TXNDC15: variants seen among roughly 807,000 people sequenced by gnomAD.
TXNDC15 encodes the protein thioredoxin domain containing 15, also known as thioredoxin domain-containing protein 15.
A neutral mutation model predicts 35.0 loss-of-function variants in TXNDC15; 24 were observed. That is an observed-to-expected ratio of 0.68 (90% CI 0.50 to 0.96). The LOEUF is 0.96. Ranked by LOEUF, TXNDC15 falls within the 40% of genes least tolerant of loss-of-function variation. The pLI is 0.00. For missense variants in TXNDC15, 385 were observed against 453.3 expected, an observed-to-expected ratio of 0.85 and a Z score of 1.37; for synonymous variants, 169 against 174.0, an observed-to-expected ratio of 0.97 and a Z score of 0.23.
At chr5:134,895,129 C>T (rs900208566) in intron 3 of TXNDC15, among the ~76,000 whole-genome samples, 7 of 151,776 alleles carry the variant, frequency 4.6e-5, no homozygotes, top group South Asian at 4.2e-4. Context: ...CACAGTGAGC[C>T]GTGATCCTGT....
At position 134,888,177 on chromosome 5, in the gene TXNDC15, T is replaced by C. The variant is rs1750317268; in HGVS notation, c.586T>C (p.Ser196Pro). The C allele has an allele frequency of 6.2e-7, 1 of 1,601,094 alleles. No individual in the cohort carries two copies. Among genetic ancestry groups the C allele is most frequent in the East Asian group, 2.2e-5 (1 of 44,610 alleles). The change falls in exon 2 of 5, where the codon TCA (serine) becomes CCA (proline). Residue 196 changes from serine to proline, a missense_variant. Physicochemically the swap from Ser to Pro is moderately conservative, Grantham distance 74. Transcript: ENST00000358387. ...ENFTLKILNM[S>P]QDLMDFLNPN... ...TTTCACTCTGAAAATTTTAAATATGTCACAGGTAAGGAAAAATTATTTAGT... is the reference window on the plus strand; with the variant it reads ...TTTCACTCTGAAAATTTTAAATATGCCACAGGTAAGGAAAAATTATTTAGT...
chr5:134,894,514 C>A (rs900800205), intron 3 of TXNDC15, among the ~76,000 whole-genome samples: 13 of 151,880 alleles, frequency 8.6e-5, no homozygotes, highest in Non-Finnish European at 1.5e-4. Context: ...ATTACAAGCA[C>A]CTGCCACCAT....
intron 2 of TXNDC15, chr5:134,893,001 A>G (rs760871027): frequency 2.0e-4 from 31 of 156,854 alleles, no homozygotes; most frequent in Non-Finnish European, 4.0e-4. Flanking sequence ...AGAGTTTGAA[A>G]TATTGCAAGA....
chr5:134,893,567 T>G lies in TXNDC15; in HGVS notation c.667T>G (p.Ser223Ala). 6.2e-7 allele frequency: 1 copy of G among 1,614,204 alleles called. No individual in the cohort carries two copies. The highest frequency in any genetic ancestry group is 8.5e-7 in the Non-Finnish European group (1 of 1,180,040). Residue 223 changes from serine (S) to alanine (A), a missense_variant, in exon 3 of 5, where the codon TCT becomes GCT. Ser to Ala is a moderately conservative substitution (Grantham distance 99). Coordinates refer to ENST00000358387, the MANE Select transcript of TXNDC15 (RefSeq NM_024715.4). ...VLFYTPWCRFSASLAPHFNSL... is the reference protein window; with the variant it reads ...VLFYTPWCRFAASLAPHFNSL... ...GTTTTACACCCCGTGGTGCCGCTTT[T>G]CTGCCAGTTTGGCCCCTCACTTTAA...
chr5:134,888,018 A>C lies in TXNDC15; in HGVS notation c.427A>C (p.Arg143=), dbSNP rs778339083. The change falls in exon 2 of 5, where the codon AGA becomes CGA. Residue 143 remains arginine (R), a synonymous_variant. Coordinates refer to ENST00000358387, the MANE Select transcript of TXNDC15 (RefSeq NM_024715.4). The part of the protein sequence containing the change: ...LDGAGAHFPD[R]EEEYYTEPEV... The stretch of plus-strand genomic sequence containing the variant: ...TGGCGCTGGAGCACACTTCCCTGAC[A>C]GAGAAGAGGAGTATTACACAGAGCC... 4 of 1,614,236 alleles carry C rather than the reference A, an allele frequency of 2.5e-6. No homozygotes were observed. In the South Asian group the frequency reaches 4.4e-5, roughly 18 times the overall value.
chr5:134,882,930 A>G (rs60793356), intron 1 of TXNDC15, among the ~76,000 whole-genome samples: 10,327 of 152,264 alleles, frequency 0.068, 779 homozygotes, highest in African/African-American at 0.19. Flanking sequence ...TGTCTACTTT[A>G]CCATTATTCT....
chr5:134,874,176 CTG>C, upstream of TXNDC15: 2 of 467,050 alleles, frequency 4.3e-6, no homozygotes, highest in East Asian at 3.9e-5. Context: ...GCTCTGCACT[CTG>C]GGGTCAGCAG....
At chr5:134,877,520 C>G (rs1404022588) in intron 1 of TXNDC15, among the ~76,000 whole-genome samples, 1 of 152,246 alleles carries the variant, frequency 6.6e-6, no homozygotes, top group East Asian at 1.9e-4. Flanking sequence ...AGTAGTTGCC[C>G]AGACAAGAAT....
upstream of TXNDC15, chr5:134,874,331 G>T (rs886064878): frequency 1.0e-5 from 11 of 1,058,422 alleles, no homozygotes; most frequent in Non-Finnish European, 1.3e-5. Context: ...GGCGGCGCGG[G>T]GCCGCGCCCG....
At position 134,881,707 on chromosome 5, in the gene TXNDC15, C is replaced by T. The variant is rs1403044303; in HGVS notation, c.104-5988C>T. On this transcript the variant is annotated intron_variant, in intron 1 of 4. Transcript: ENST00000358387. Reference sequence around the variant, plus strand: ...CGTTCTCAATGAGCTGTTGGGTACACCTCCCAGACGGGGTGGTGGCCGGGC... The same window carrying T: ...CGTTCTCAATGAGCTGTTGGGTACATCTCCCAGACGGGGTGGTGGCCGGGC... 1.2e-3 allele frequency among the ~76,000 whole-genome samples: 175 copies of T among 148,744 alleles called. 1 individual carries two copies. Among genetic ancestry groups the T allele is most frequent in the African/African-American group, 3.3e-3 (135 of 40,500 alleles).
chr5:134,898,585 T>A (rs1750539663), intron 4 of TXNDC15, among the ~76,000 whole-genome samples: 1 of 152,204 alleles, frequency 6.6e-6, no homozygotes, highest in Non-Finnish European at 1.5e-5. Flanking sequence ...AAAAGTAGGA[T>A]ATTACAAGGT....
At chr5:134,891,178 C>T (rs1750382252) in intron 2 of TXNDC15, among the ~76,000 whole-genome samples, 1 of 152,202 alleles carries the variant, frequency 6.6e-6, no homozygotes, top group South Asian at 2.1e-4. Flanking sequence ...TGCCATGAAT[C>T]ACAGATATTT....
At chr5:134,875,259 C>T (rs1750009801) in intron 1 of TXNDC15, 2 of 456,040 alleles carry the variant, frequency 4.4e-6, no homozygotes, top group South Asian at 3.1e-5. Context: ...TGCTCCTTCA[C>T]CCCACTCCTC....
At position 134,875,056 on chromosome 5, in the gene TXNDC15, C is replaced by T. The variant is rs1157411681; in HGVS notation, c.103+526C>T. Reference sequence around the variant, plus strand: ...CTTCTGATACGTGGCAGAAGCCTGTCTCTCTGACGCCAAAGCCCAGTCTGG... The same window carrying T: ...CTTCTGATACGTGGCAGAAGCCTGTTTCTCTGACGCCAAAGCCCAGTCTGG... On this transcript the variant is annotated intron_variant, in intron 1 of 4. Coordinates refer to ENST00000358387, the MANE Select transcript of TXNDC15 (RefSeq NM_024715.4). 1.1e-5 allele frequency: 5 copies of T among 440,334 alleles called. No homozygotes were observed. The Admixed American group carries it at 1.3e-4, about 11-fold the overall frequency. The allele number at this position is 440,334 out of a possible 1,614,324, so 27.3% of individuals were successfully genotyped here. A position where few individuals can be genotyped will look rare whatever the true frequency, so the allele number is the denominator to read the frequency against.
intron 1 of TXNDC15, among the ~76,000 whole-genome samples, chr5:134,881,916 C>T (rs569250500): frequency 6.0e-5 from 9 of 150,618 alleles, no homozygotes; most frequent in East Asian, 2.0e-4. Flanking sequence ...CCTGACCTCC[C>T]GGACGGGGCG....
At chr5:134,884,032 A>T (rs890910642) in intron 1 of TXNDC15, among the ~76,000 whole-genome samples, 1 of 151,718 alleles carries the variant, frequency 6.6e-6, no homozygotes, top group Non-Finnish European at 1.5e-5. Context: ...CAGCCTGGCC[A>T]ACATGGCGAA....
At position 134,887,719 on chromosome 5, in the gene TXNDC15, G is replaced by T. The variant is rs1369809441; in HGVS notation, c.128G>T (p.Trp43Leu). Reference protein sequence around the residue: ...VEVAEESGRLWSEEQPAHPLQ... With the variant: ...VEVAEESGRLLSEEQPAHPLQ... ...GTTGCAGAGGAAAGTGGTCGCTTAT[G>T]GTCAGAGGAGCAGCCTGCTCACCCT... Residue 43 changes from tryptophan (W) to leucine (L), a missense_variant, in exon 2 of 5, where the codon TGG becomes TTG. By Grantham distance (61) the Trp-to-Leu change is moderately conservative (BLOSUM62 -2). Coordinates refer to ENST00000358387, the MANE Select transcript of TXNDC15 (RefSeq NM_024715.4). The T allele has an allele frequency of 6.2e-7, 1 of 1,600,952 alleles. No homozygotes were observed. The highest frequency in any genetic ancestry group is 8.5e-7 in the Non-Finnish European group (1 of 1,171,314).
intron 1 of TXNDC15, among the ~76,000 whole-genome samples, chr5:134,878,314 T>A (rs149888850): frequency 7.7e-4 from 117 of 152,228 alleles, no homozygotes; most frequent in Admixed American, 1.4e-3. Context: ...ATTTATGGAG[T>A]GTTTAACCTG....
chr5:134,897,189 C>T (rs1286353482), intron 4 of TXNDC15, among the ~76,000 whole-genome samples: 1 of 152,116 alleles, frequency 6.6e-6, no homozygotes, highest in Non-Finnish European at 1.5e-5. Context: ...CCGCCTCGGC[C>T]TCCCAAAGTG....
Sources: gnomAD v4.1 joint callset for allele counts (sites outside exome capture counted in the v4.1 genomes callset) on GRCh38, gnomAD v4.1.1 for gene constraint, MANE v1.5 for transcripts, NCBI Gene and HGNC (gene_info 2026-07-23, HGNC 2026-07-21) for gene names.